Variants in CHCHD6 observed in about 807,000 individuals in gnomAD.
The protein encoded by CHCHD6 is MICOS complex subunit MIC25.
CHCHD6 carries 28 observed loss-of-function variants against 32.3 expected under a neutral mutation model. The observed-to-expected ratio is 0.87, with a 90% CI of 0.64 to 1.19. The LOEUF (loss-of-function observed/expected upper bound fraction) is 1.19. Among genes scored for constraint, CHCHD6 ranks in the 50% most tolerant of loss-of-function variants. The pLI, the probability that CHCHD6 is intolerant of heterozygous loss-of-function variation, is 0.00. For synonymous variants in CHCHD6, 122 were observed against 117.5 expected, an observed-to-expected ratio of 1.04 and a Z score of -0.25; for missense variants, 333 against 307.0, an observed-to-expected ratio of 1.08 and a Z score of -0.63.
intron 4 of CHCHD6, among the ~76,000 whole-genome samples, chr3:126,764,850 C>T (rs1303402000): frequency 6.6e-6 from 1 of 152,178 alleles, no homozygotes; most frequent in Non-Finnish European, 1.5e-5. Flanking sequence ...TTTAGCAAAG[C>T]TCTGAAGTGG....
intron 1 of CHCHD6, among the ~76,000 whole-genome samples, 177 bp from the exon 2 acceptor site, chr3:126,726,901 A>G (rs1033339775): frequency 2.0e-5 from 3 of 152,196 alleles, no homozygotes; most frequent in East Asian, 1.9e-4. Flanking sequence ...TGGGCTCAGC[A>G]TGGACCTGGT....
At chr3:126,927,971 C>T (rs1223812914) in intron 6 of CHCHD6, among the ~76,000 whole-genome samples, 2 of 152,266 alleles carry the variant, frequency 1.3e-5, no homozygotes, top group Non-Finnish European at 2.9e-5. Context: ...TGACGCACCC[C>T]TGCAAGATGC....
intron 4 of CHCHD6, among the ~76,000 whole-genome samples, chr3:126,819,400 A>G (rs1000845869): frequency 3.3e-5 from 5 of 152,206 alleles, no homozygotes; most frequent in Non-Finnish European, 2.9e-5. Context: ...TGAAGGTAAC[A>G]TGGTGGAATC....
intron 5 of CHCHD6, among the ~76,000 whole-genome samples, chr3:126,877,643 A>G (rs931980288): frequency 3.9e-5 from 6 of 152,296 alleles, no homozygotes; most frequent in African/African-American, 1.4e-4. Context: ...AGATACCACA[A>G]CCACACAGAA....
At chr3:126,893,600 G>T (rs2077796106) in intron 5 of CHCHD6, among the ~76,000 whole-genome samples, 1 of 152,224 alleles carries the variant, frequency 6.6e-6, no homozygotes, top group African/African-American at 2.4e-5. Flanking sequence ...TGATAGCAGG[G>T]CTCCAGATTC....
At chr3:126,959,904 G>A (rs572036304) in intron 7 of CHCHD6, among the ~76,000 whole-genome samples, 6 of 152,342 alleles carry the variant, frequency 3.9e-5, no homozygotes, top group African/African-American at 1.4e-4. Flanking sequence ...AGGTTGAGGG[G>A]GCAGGGGCAG....
intron 1 of CHCHD6, among the ~76,000 whole-genome samples, chr3:126,705,831 A>AG (rs1934459084): frequency 6.6e-6 from 1 of 152,166 alleles, no homozygotes; most frequent in Non-Finnish European, 1.5e-5. Flanking sequence ...CATTAAAAAA[A>AG]AAATTGGGTG....
At chr3:126,912,743 G>A (rs906083928) in intron 5 of CHCHD6, among the ~76,000 whole-genome samples, 1 of 152,206 alleles carries the variant, frequency 6.6e-6, no homozygotes, top group African/African-American at 2.4e-5. Context: ...TCTTCCCCAG[G>A]GGCTCACCTT....
chr3:126,807,264 A>G (rs1046010963), intron 4 of CHCHD6, among the ~76,000 whole-genome samples: 7 of 152,230 alleles, frequency 4.6e-5, no homozygotes, highest in African/African-American at 1.7e-4. Context: ...CAGAGAAAAA[A>G]GGAACTCAGG....
intron 4 of CHCHD6, among the ~76,000 whole-genome samples, chr3:126,763,678 T>C (rs1478858070): frequency 6.6e-6 from 1 of 152,186 alleles, no homozygotes; most frequent in African/African-American, 2.4e-5. Context: ...ATACTTTCTT[T>C]GTGGTTACAA....
intron 6 of CHCHD6, among the ~76,000 whole-genome samples, chr3:126,934,914 TG>T (rs563462270): frequency 1.4e-4 from 22 of 152,108 alleles, no homozygotes; most frequent in Non-Finnish European, 2.1e-4. Context: ...CTACTTCAGA[TG>T]GGTATGGATT....
intron 1 of CHCHD6, among the ~76,000 whole-genome samples, chr3:126,726,088 C>A (rs1007245886): frequency 6.6e-6 from 1 of 152,212 alleles, no homozygotes; most frequent in East Asian, 1.9e-4. Context: ...GCCTAGCTCT[C>A]GGCCTATCTT....
At chr3:126,834,971 G>A (rs1167685948) in intron 4 of CHCHD6, among the ~76,000 whole-genome samples, 7 of 152,172 alleles carry the variant, frequency 4.6e-5, no homozygotes, top group African/African-American at 7.2e-5. Flanking sequence ...TAAGAGCTCC[G>A]CTGTGCCATG....
At chr3:126,852,446 A>G (rs961393472) in intron 4 of CHCHD6, among the ~76,000 whole-genome samples, 1 of 152,200 alleles carries the variant, frequency 6.6e-6, no homozygotes, top group Non-Finnish European at 1.5e-5. Context: ...AAGTGGCTAT[A>G]GTAATTACCC....
chr3:126,741,151 T>C (rs763474525), intron 4 of CHCHD6, among the ~76,000 whole-genome samples: 4 of 152,216 alleles, frequency 2.6e-5, no homozygotes, highest in Non-Finnish European at 5.9e-5. Flanking sequence ...GCTGTGAGGC[T>C]GCAGCTGTGT....
intron 4 of CHCHD6, among the ~76,000 whole-genome samples, chr3:126,735,132 G>A (rs1484694596): frequency 6.6e-6 from 1 of 152,146 alleles, no homozygotes; most frequent in African/African-American, 2.4e-5. Context: ...GAGATGACGC[G>A]TTAATCAGTA....
intron 4 of CHCHD6, among the ~76,000 whole-genome samples, chr3:126,849,872 C>T (rs1397549995): frequency 2.6e-5 from 4 of 152,188 alleles, no homozygotes; most frequent in Admixed American, 1.3e-4. Context: ...TGGTAAGTGA[C>T]GCACTCAGGC....
intron 5 of CHCHD6, among the ~76,000 whole-genome samples, chr3:126,873,787 C>G (rs1335258770): frequency 6.6e-6 from 1 of 152,196 alleles, no homozygotes; most frequent in Non-Finnish European, 1.5e-5. Flanking sequence ...GGGGCTTTAT[C>G]TCTAGTCACA....
At chr3:126,879,261 T>C (rs1315808118) in intron 5 of CHCHD6, among the ~76,000 whole-genome samples, 23 of 152,034 alleles carry the variant, frequency 1.5e-4, no homozygotes, top group Admixed American at 1.5e-3. Context: ...TGGGGCAGGG[T>C]GGGATGAGGC....
Sources: gnomAD v4.1 joint callset for allele counts (sites outside exome capture counted in the v4.1 genomes callset) on GRCh38, gnomAD v4.1.1 for gene constraint, MANE v1.5 for transcripts, NCBI Gene and HGNC (gene_info 2026-07-23, HGNC 2026-07-21) for gene names.